RXFP1: variants seen among roughly 807,000 people sequenced by gnomAD.
RXFP1 encodes relaxin receptor 1.
RXFP1 carries 73 observed loss-of-function variants against 89.8 expected under a neutral mutation model. The observed-to-expected ratio is 0.81, with a 90% CI of 0.67 to 0.99. The LOEUF (loss-of-function observed/expected upper bound fraction) is 0.99, where lower values mean the gene tolerates loss of function less well. RXFP1 is among the 50% of genes least tolerant of loss of function. The probability of loss-of-function intolerance (pLI) is 0.00; values close to 1 mark genes in which losing one functional copy is unlikely to be tolerated. For missense variants in RXFP1, 793 were observed against 895.5 expected (o/e 0.89, Z 1.46); for synonymous variants, 277 against 305.5 (o/e 0.91, Z 0.97).
Position 158,651,741 on chromosome 4 carries a change from C to CATT in RXFP1, c.1976-15_1976-13dup, listed in dbSNP as rs1230758324. 3.2e-6 allele frequency: 5 copies of CATT among 1,574,680 alleles called. No homozygotes were observed. The highest frequency in any genetic ancestry group is 4.3e-6 in the Non-Finnish European group (5 of 1,160,812). On this transcript the variant is annotated splice_polypyrimidine_tract_variant and intron_variant, in intron 17 of 17. Coordinates refer to ENST00000307765, the MANE Select transcript of RXFP1 (RefSeq NM_021634.4). ...ACATCTATAAACACTAAAACTATTT[C>CATT]ATTTTTCTTTTTTAGGTACCATAAC...
intron 1 of RXFP1, among the ~76,000 whole-genome samples, chr4:158,541,182 A>G (rs1464034159): frequency 1.3e-5 from 2 of 152,140 alleles, no homozygotes; most frequent in African/African-American, 4.8e-5. Flanking sequence ...CAAACTCTCA[A>G]AGTCTCTAAA....
At chr4:158,643,302 GA>G (rs1273936155) in intron 14 of RXFP1, among the ~76,000 whole-genome samples, 4 of 152,010 alleles carry the variant, frequency 2.6e-5, no homozygotes, top group Non-Finnish European at 5.9e-5. Context: ...TTTATTAAAA[GA>G]GAAAGCTTAC....
At chr4:158,531,849 A>G (rs1744117495) in intron 1 of RXFP1, among the ~76,000 whole-genome samples, 2 of 152,200 alleles carry the variant, frequency 1.3e-5, no homozygotes. Context: ...TGCTAATTCA[A>G]AGTAGCTTGG....
In RXFP1 at chr4:158,577,387, T is replaced by G. The variant is rs180971726; in HGVS notation, c.187+4552T>G. 4.2e-3 allele frequency among the ~76,000 whole-genome samples: 641 copies of G among 152,250 alleles called. 4 individuals carry two copies. Among genetic ancestry groups the G allele is most frequent in the Non-Finnish European group, 6.5e-3 (444 of 68,016 alleles). ...TATGTAAATTCTGTTTAATACTAAT[T>G]AAATTAAGTCAGAAAGTTGCTTCTT... On this transcript the variant is annotated intron_variant, in intron 2 of 17. Coordinates refer to ENST00000307765, the MANE Select transcript of RXFP1 (RefSeq NM_021634.4).
intron 9 of RXFP1, among the ~76,000 whole-genome samples, chr4:158,622,182 G>A (rs985382461): frequency 5.9e-5 from 9 of 151,990 alleles, no homozygotes; most frequent in Non-Finnish European, 1.2e-4. Context: ...ATGGTGGCAG[G>A]CACCTGTAAT....
chr4:158,536,405 T>C (rs1745287857), intron 1 of RXFP1, among the ~76,000 whole-genome samples: 1 of 152,216 alleles, frequency 6.6e-6, no homozygotes, highest in African/African-American at 2.4e-5. Context: ...GAAACAGTGC[T>C]GAAAGTTTAA....
At chr4:158,534,447 A>G (rs1398449161) in intron 1 of RXFP1, among the ~76,000 whole-genome samples, 1 of 152,022 alleles carries the variant, frequency 6.6e-6, no homozygotes, top group African/African-American at 2.4e-5. Context: ...GGGTTTCTCC[A>G]TGTTGGTCAG....
rs898161566 is a variant in RXFP1 at position 158,653,289 on chromosome 4, A to C, written c.*1234A>C. 6.6e-6 allele frequency: 1 copy of C among 152,348 alleles called. No individual in the cohort carries two copies. Among genetic ancestry groups the C allele is most frequent in the South Asian group, 2.1e-4 (1 of 4,826 alleles). The allele number at this position is 152,348 out of a possible 1,614,324, so 9.4% of individuals were successfully genotyped here. On this transcript the variant is annotated 3_prime_UTR_variant, in exon 18 of 18. Coordinates refer to ENST00000307765, the MANE Select transcript of RXFP1 (RefSeq NM_021634.4). The stretch of plus-strand genomic sequence containing the variant: ...AATGTTTGAAACACAAAAATACTGG[A>C]ATCAAACCATAATGCACTTATTGAA...
intron 3 of RXFP1, among the ~76,000 whole-genome samples, chr4:158,598,352 A>T (rs901770172): frequency 1.3e-5 from 2 of 152,154 alleles, no homozygotes; most frequent in African/African-American, 4.8e-5. Flanking sequence ...AGATGAGAGA[A>T]GCTGTTGCAC....
chr4:158,546,482 A>T (rs1251315026), intron 1 of RXFP1, among the ~76,000 whole-genome samples: 2 of 152,208 alleles, frequency 1.3e-5, no homozygotes, highest in African/African-American at 4.8e-5. Flanking sequence ...AACTTCCAAC[A>T]CTATGTTGAA....
At chr4:158,542,109 ATTTTT>A (rs56032847) in intron 1 of RXFP1, among the ~76,000 whole-genome samples, 1 of 35,254 alleles carries the variant, frequency 2.8e-5, no homozygotes, top group African/African-American at 9.3e-5. Context: ...ATATATATAT[ATTTTT>A]TTTTTAGTAG....
chr4:158,639,406 T>C, intron 14 of RXFP1, 75 bp downstream of exon 14: 1 of 826,088 alleles, frequency 1.2e-6, no homozygotes, highest in Non-Finnish European at 2.0e-6. Context: ...ATGCATCCAA[T>C]CTATTAATAT....
intron 1 of RXFP1, among the ~76,000 whole-genome samples, chr4:158,546,739 G>A (rs1748529230): frequency 6.6e-6 from 1 of 152,108 alleles, no homozygotes; most frequent in Non-Finnish European, 1.5e-5. Context: ...CTGTTTATAT[G>A]CTGGATTACG....
chr4:158,594,112 G>T (rs985635995), intron 3 of RXFP1, among the ~76,000 whole-genome samples: 2 of 152,134 alleles, frequency 1.3e-5, no homozygotes, highest in African/African-American at 4.8e-5. Flanking sequence ...GTATCTTGGA[G>T]CTGTCATTTT....
chr4:158,619,605 A>G (rs2150156324), intron 9 of RXFP1, among the ~76,000 whole-genome samples: 1 of 152,350 alleles, frequency 6.6e-6, no homozygotes, highest in South Asian at 2.1e-4. Flanking sequence ...ACCAACCACA[A>G]GAAAAACTAG....
chr4:158,534,899 T>C (rs1218466966), intron 1 of RXFP1, among the ~76,000 whole-genome samples: 2 of 35,692 alleles, frequency 5.6e-5, no homozygotes, highest in African/African-American at 1.3e-4. Context: ...ATAAGTAATT[T>C]TTATTACATA....
intron 1 of RXFP1, among the ~76,000 whole-genome samples, chr4:158,567,188 C>T (rs553908965): frequency 2.2e-4 from 33 of 152,302 alleles, no homozygotes; most frequent in Middle Eastern, 3.4e-3. Context: ...CCTCTCACCC[C>T]GCCTTGGGCT....
intron 1 of RXFP1, among the ~76,000 whole-genome samples, chr4:158,541,350 G>GCATACACACA (rs1553993584): frequency 7.2e-6 from 1 of 139,794 alleles, no homozygotes; most frequent in Non-Finnish European, 1.5e-5. Flanking sequence ...AGAGCTTCAT[G>GCATACACACA]CACACACACA....
chr4:158,620,731 T>C (rs553834569), intron 9 of RXFP1, among the ~76,000 whole-genome samples: 27 of 152,282 alleles, frequency 1.8e-4, no homozygotes, highest in African/African-American at 4.8e-4. Flanking sequence ...AAATATGTGA[T>C]AATCTTAAAT....
Sources: gnomAD v4.1 joint callset for allele counts (sites outside exome capture counted in the v4.1 genomes callset) on GRCh38, gnomAD v4.1.1 for gene constraint, MANE v1.5 for transcripts, NCBI Gene and HGNC (gene_info 2026-07-23, HGNC 2026-07-21) for gene names.